Variants in PLCL1 observed in about 807,000 individuals in gnomAD.
PLCL1 encodes the protein phospholipase C like 1 (inactive).
In PLCL1, 41 loss-of-function variants were observed where a neutral mutation model predicts 84.4. The ratio of observed to expected loss-of-function variants is 0.49; its 90% confidence interval spans 0.38 to 0.63. The LOEUF is 0.63. PLCL1 is among the 30% of genes least tolerant of loss of function. PLCL1 has a pLI of 0.00. For missense variants in PLCL1, 1,206 were observed against 1,367.8 expected (o/e 0.88, Z 1.87); for synonymous variants, 490 against 488.3 (o/e 1.00, Z -0.05).
rs1357149217 is a variant in PLCL1, at chr2:198,084,598, G to A, written c.1081G>A (p.Glu361Lys). 1.9e-6 allele frequency: 3 copies of A among 1,613,896 alleles called. No individual in the cohort carries two copies. Among genetic ancestry groups the A allele is most frequent in the Non-Finnish European group, 2.5e-6 (3 of 1,179,834 alleles). ...ATGCTTAGACATCATAAGGAGATAC[G>A]AACTTTCTGAAGAGGGACGTCAAAA... ...DICLDIIRRY[E>K]LSEEGRQKGF... The change falls in exon 2 of 6, where the codon GAA becomes AAA. Residue 361 changes from glutamate to lysine, a missense_variant. Transcript: ENST00000428675.
intron 1 of PLCL1, among the ~76,000 whole-genome samples, chr2:197,833,766 A>C (rs531042289): frequency 6.6e-6 from 1 of 152,232 alleles, no homozygotes; most frequent in Non-Finnish European, 1.5e-5. Flanking sequence ...ATTCAGTGCT[A>C]TTCCTATCAA....
chr2:197,856,820 A>ACCTACATTATTCTT (rs1382129300), intron 1 of PLCL1, among the ~76,000 whole-genome samples: 1 of 152,218 alleles, frequency 6.6e-6, no homozygotes, highest in African/African-American at 2.4e-5. Context: ...TTGTGACTTA[A>ACCTACATTATTCTT]CATTTATTAC....
rs190606865 is a variant in PLCL1 at position 198,019,912 on chromosome 2, G to A, written c.241-63846G>A. ...ACACCACAAAGATACTCCTTGAGAA[G>A]AGCAACCCCAAGACACATAATCGTC... On this transcript the variant is annotated intron_variant, in intron 1 of 5. Transcript: ENST00000428675. Among the ~76,000 whole-genome samples, 681 of 152,240 alleles carry A rather than the reference G, an allele frequency of 4.5e-3. 5 individuals are homozygous for A. The highest frequency in any genetic ancestry group is 0.016 in the African/African-American group (652 of 41,518).
At chr2:197,866,176 CTATATATATATATAAACTATA>C (rs1559029568) in intron 1 of PLCL1, among the ~76,000 whole-genome samples, 2 of 73,560 alleles carry the variant, frequency 2.7e-5, no homozygotes, top group South Asian at 8.9e-4. Context: ...TATATATAAA[CTATATATATATATAAACTATA>C]TATATATATA....
intron 1 of PLCL1, among the ~76,000 whole-genome samples, chr2:197,860,318 A>G (rs1687405426): frequency 6.6e-6 from 1 of 152,098 alleles, no homozygotes; most frequent in South Asian, 2.1e-4. Context: ...TGCTATTGTG[A>G]ATAGTCCTGC....
intron 1 of PLCL1, among the ~76,000 whole-genome samples, chr2:197,835,504 GT>G (rs1691168580): frequency 6.6e-6 from 1 of 151,976 alleles, no homozygotes; most frequent in South Asian, 2.1e-4. Flanking sequence ...TATACTTTCT[GT>G]CTCTATGAGT....
At chr2:197,902,422 T>C (rs536690403) in intron 1 of PLCL1, among the ~76,000 whole-genome samples, 2 of 152,312 alleles carry the variant, frequency 1.3e-5, no homozygotes, top group African/African-American at 4.8e-5. Flanking sequence ...AAGTTTGGGT[T>C]TGGCAGCTGT....
chr2:198,021,132 C>T (rs950862654), intron 1 of PLCL1, among the ~76,000 whole-genome samples: 2 of 152,168 alleles, frequency 1.3e-5, no homozygotes, highest in Admixed American at 6.6e-5. Flanking sequence ...ACTGAACAAC[C>T]TGTTCCTGAA....
In PLCL1 at chr2:198,083,880, G is replaced by A. The variant is rs1692783091; in HGVS notation, c.363G>A (p.Leu121=). ...GCTTCATGCAAGCTGGCTGTGAGTT[G>A]AAGAAAGTCCGGCCAAATTCTCGCA... ...CISFMQAGCE[L]KKVRPNSRIY... The change falls in exon 2 of 6, where the codon TTG becomes TTA. Residue 121 remains leucine, a synonymous_variant. Transcript: ENST00000428675. 3 of 1,614,022 alleles carry A rather than the reference G, an allele frequency of 1.9e-6. No homozygotes were observed. The East Asian group carries it at 6.7e-5, about 36-fold the overall frequency.
At chr2:198,041,912 G>A (rs1273655966) in intron 1 of PLCL1, among the ~76,000 whole-genome samples, 2 of 152,106 alleles carry the variant, frequency 1.3e-5, no homozygotes, top group Non-Finnish European at 2.9e-5. Context: ...GTATGCAAGA[G>A]AAACAAAAAA....
chr2:197,839,222 T>G (rs1195012893), intron 1 of PLCL1, among the ~76,000 whole-genome samples: 1 of 152,220 alleles, frequency 6.6e-6, no homozygotes, highest in Non-Finnish European at 1.5e-5. Context: ...CAGGGTACCT[T>G]TACAAAAATC....
chr2:197,873,175 G>A (rs1048240024), intron 1 of PLCL1, among the ~76,000 whole-genome samples: 2 of 151,654 alleles, frequency 1.3e-5, no homozygotes, highest in Non-Finnish European at 2.9e-5. Context: ...AATACAAATT[G>A]TTTACTATAA....
At chr2:198,060,001 T>C (rs1243523980) in intron 1 of PLCL1, among the ~76,000 whole-genome samples, 1 of 152,148 alleles carries the variant, frequency 6.6e-6, no homozygotes, top group Admixed American at 6.5e-5. Context: ...GCACATACTG[T>C]TATGGGCCTG....
chr2:198,074,607 C>G (rs1005516471), intron 1 of PLCL1, among the ~76,000 whole-genome samples: 2 of 152,156 alleles, frequency 1.3e-5, no homozygotes, highest in Non-Finnish European at 2.9e-5. Context: ...CCACTGCACT[C>G]CAGCCTGAGC....
chr2:197,956,509 A>G (rs550373218), intron 1 of PLCL1, among the ~76,000 whole-genome samples: 2 of 152,240 alleles, frequency 1.3e-5, no homozygotes, highest in East Asian at 3.9e-4. Context: ...TTCTTCCACA[A>G]TGGTTGAACT....
chr2:197,907,217 A>G (rs10211202), intron 1 of PLCL1, among the ~76,000 whole-genome samples: 110,786 of 151,996 alleles, frequency 0.73, 41,467 homozygotes, highest in African/African-American at 0.91. Flanking sequence ...GAAATAAAAG[A>G]TATTCAAATA....
intron 1 of PLCL1, among the ~76,000 whole-genome samples, chr2:197,860,349 T>G (rs1687405989): frequency 6.6e-6 from 1 of 152,192 alleles, no homozygotes; most frequent in African/African-American, 2.4e-5. Context: ...TGTGTGCATG[T>G]GTCTTTATGG....
At chr2:198,034,425 C>G (rs1214963538) in intron 1 of PLCL1, among the ~76,000 whole-genome samples, 2 of 152,152 alleles carry the variant, frequency 1.3e-5, no homozygotes, top group Non-Finnish European at 2.9e-5. Flanking sequence ...CACTTGCACA[C>G]GTATGTTTAC....
intron 1 of PLCL1, among the ~76,000 whole-genome samples, chr2:198,053,901 A>G (rs1692002313): frequency 6.6e-6 from 1 of 152,174 alleles, no homozygotes; most frequent in Non-Finnish European, 1.5e-5. Context: ...AAAGAAGATA[A>G]ACTTCATGAT....
Sources: gnomAD v4.1 joint callset for allele counts (sites outside exome capture counted in the v4.1 genomes callset) on GRCh38, gnomAD v4.1.1 for gene constraint, MANE v1.5 for transcripts, NCBI Gene and HGNC (gene_info 2026-07-23, HGNC 2026-07-21) for gene names.